MIA2: variants seen among roughly 807,000 people sequenced by gnomAD.
MIA2 encodes melanoma inhibitory activity protein 2.
A neutral mutation model predicts 167.8 loss-of-function variants in MIA2; 127 were observed. The ratio of observed to expected loss-of-function variants is 0.76; its 90% CI spans 0.66 to 0.88. The LOEUF is 0.88. Ranked by LOEUF, MIA2 falls within the 40% of genes least tolerant of loss-of-function variation. The probability of loss-of-function intolerance (pLI) is 0.00; values close to 1 mark genes in which losing one functional copy is unlikely to be tolerated. For synonymous variants in MIA2, 552 were observed against 541.9 expected (o/e 1.02, Z -0.26); for missense variants, 1,690 against 1,624.7 (o/e 1.04, Z -0.69).
rs970042518 is a variant in MIA2 at position 39,338,352 on chromosome 14, A to G, written c.3656-7552A>G. 2.0e-5 allele frequency among the ~76,000 whole-genome samples: 3 copies of G among 152,180 alleles called. No individual in the cohort carries two copies. In the East Asian group the frequency reaches 5.8e-4, roughly 29 times the overall value. On this transcript the variant is annotated intron_variant, in intron 25 of 28. Transcript: ENST00000640607. ...TATTTTTGCATCTTTCTGTGAATCT[A>G]TTTTAAAATAAAAAAGTAAAAATCT... is the stretch of plus-strand genomic sequence containing the variant.
At chr14:39,298,413 T>TTTTA (rs1397878336) in intron 13 of MIA2, among the ~76,000 whole-genome samples, 29 of 26,140 alleles carry the variant, frequency 1.1e-3, no homozygotes, top group African/African-American at 3.6e-3. Flanking sequence ...TGATTCTGTT[T>TTTTA]TATATATATA....
Position 39,326,956 on chromosome 14 carries a change from C to T in MIA2, c.3589C>T (p.Pro1197Ser). Residue 1197 changes from proline to serine, a missense_variant, in exon 25 of 29, where the codon CCC becomes TCC. Physicochemically the swap from Pro to Ser is moderately conservative, Grantham distance 74 (BLOSUM62 -1). Transcript: ENST00000640607. Reference protein sequence around the residue: ...CDRLTDPHRAPSDTGSLSPPW... With the variant: ...CDRLTDPHRASSDTGSLSPPW... ...TAGGTTAACCGATCCTCATAGGGCT[C>T]CCTCTGACACTGGGTCTCTGTCACC... 6.3e-7 allele frequency: 1 copy of T among 1,586,070 alleles called. No homozygotes were observed. Among genetic ancestry groups the T allele is most frequent in the Non-Finnish European group, 8.6e-7 (1 of 1,168,252 alleles).
At chr14:39,319,335 CAT>C (rs372147405) in intron 23 of MIA2, 44 bp downstream of exon 23, 2,945 of 811,988 alleles carry the variant, frequency 3.6e-3, no homozygotes, top group South Asian at 5.3e-3. Context: ...ACATATTTTA[CAT>C]ATATATATAT....
chr14:39,335,434 C>A (rs2070139763), intron 25 of MIA2, among the ~76,000 whole-genome samples: 1 of 152,048 alleles, frequency 6.6e-6, no homozygotes, highest in African/African-American at 2.4e-5. Context: ...GATGAGTTAG[C>A]AGAAATGATT....
chr14:39,247,079 T>C lies in MIA2; in HGVS notation c.505T>C (p.Tyr169His). 1 of 1,607,448 alleles carries C rather than the reference T, an allele frequency of 6.2e-7. No homozygotes were observed. The highest frequency in any genetic ancestry group is 1.7e-4 in the Middle Eastern group (1 of 6,004). ...FQIEPGFYAT[Y>H]ESTLFEDQVP... Reference sequence around the variant, plus strand: ...GATAGAACCTGGATTTTATGCAACTTATGAAAGTACTTTGTTTGAAGACCA... The same window carrying C: ...GATAGAACCTGGATTTTATGCAACTCATGAAAGTACTTTGTTTGAAGACCA... Residue 169 changes from tyrosine to histidine, a missense_variant, in exon 4 of 29, where the codon TAT becomes CAT. Tyr to His is a moderately conservative substitution (Grantham distance 83). Coordinates refer to ENST00000640607, the MANE Select transcript of MIA2 (RefSeq NM_001329214.4).
intron 2 of MIA2, among the ~76,000 whole-genome samples, chr14:39,238,811 A>AAAAAAAAAAACAAAAAC: frequency 2.9e-5 from 3 of 103,636 alleles, no homozygotes; most frequent in African/African-American, 1.2e-4. Context: ...AAAAAAAAAA[A>AAAAAAAAAAACAAAAAC]CCCAAAAAAC....
rs539789900 is a variant in MIA2 at position 39,279,383 on chromosome 14, T to A, written c.2041+25T>A. 8.4e-5 allele frequency: 134 copies of A among 1,601,486 alleles called. 1 individual carries two copies. The South Asian group carries it at 1.4e-3, about 17-fold the overall frequency. ...GGTAAGTTCTTTTTTCTGCTTTGACTCTCATTGTTGTGTTGTAAAAACTTA... is the reference window on the plus strand; with the variant it reads ...GGTAAGTTCTTTTTTCTGCTTTGACACTCATTGTTGTGTTGTAAAAACTTA... On this transcript the variant is annotated intron_variant, in intron 8 of 28. Coordinates refer to ENST00000640607, the MANE Select transcript of MIA2 (RefSeq NM_001329214.4).
intron 6 of MIA2, among the ~76,000 whole-genome samples, chr14:39,264,278 T>C (rs1441529086): frequency 6.6e-6 from 1 of 152,198 alleles, no homozygotes; most frequent in Non-Finnish European, 1.5e-5. Context: ...AGAATGTGAC[T>C]TCATTTTTTA....
intron 23 of MIA2, among the ~76,000 whole-genome samples, chr14:39,357,745 C>T (rs1476171045): frequency 6.6e-6 from 1 of 152,254 alleles, no homozygotes; most frequent in African/African-American, 2.4e-5. Context: ...TAGGGCAGGC[C>T]TGGTGGTGAC....
At chr14:39,304,905 G>C (rs374605209) in intron 17 of MIA2, among the ~76,000 whole-genome samples, 178 of 152,212 alleles carry the variant, frequency 1.2e-3, no homozygotes, top group African/African-American at 4.1e-3. Flanking sequence ...AAGTAAACAA[G>C]TTCTGTCAAT....
chr14:39,382,953 GTTTTTTTTT>G (rs10689511), intron 23 of MIA2, among the ~76,000 whole-genome samples: 11 of 75,054 alleles, frequency 1.5e-4, no homozygotes, highest in Non-Finnish European at 2.8e-4. Context: ...TATGGCCACA[GTTTTTTTTT>G]TTTTTTTTTT....
chr14:39,329,425 C>T (rs867789429), intron 25 of MIA2, among the ~76,000 whole-genome samples: 2 of 152,208 alleles, frequency 1.3e-5, no homozygotes, highest in Non-Finnish European at 2.9e-5. Context: ...TTGACTTCCT[C>T]TCTTCCTATA....
intron 13 of MIA2, among the ~76,000 whole-genome samples, chr14:39,296,373 C>G (rs1007675995): frequency 5.9e-5 from 9 of 151,814 alleles, no homozygotes; most frequent in South Asian, 4.2e-4. Flanking sequence ...TCTTGACTTT[C>G]CAATATTGCT....
intron 23 of MIA2, among the ~76,000 whole-genome samples, chr14:39,357,208 A>G (rs2074552334): frequency 2.0e-5 from 3 of 152,152 alleles, no homozygotes; most frequent in Admixed American, 6.5e-5. Context: ...TAGGTCTCTA[A>G]GGACTTGCTT....
intron 23 of MIA2, chr14:39,385,751 T>C: frequency 1.1e-6 from 1 of 881,902 alleles, no homozygotes; most frequent in Admixed American, 1.7e-5. Context: ...TTCTGGATAA[T>C]AGTAGATGAA....
chr14:39,381,866 C>G (rs202112956), intron 23 of MIA2, among the ~76,000 whole-genome samples: 961 of 75,526 alleles, frequency 0.013, 4 homozygotes, highest in Non-Finnish European at 0.02. Context: ...AACAATTAAA[C>G]AACACAAATG....
chr14:39,285,778 G>A (rs368894977), intron 9 of MIA2, among the ~76,000 whole-genome samples: 1,529 of 150,736 alleles, frequency 0.01, 28 homozygotes, highest in African/African-American at 0.033. Context: ...GGCGGCTGCC[G>A]GGCGGAGGGG....
At chr14:39,276,226 C>T (rs1043925667) in intron 6 of MIA2, 2 of 152,200 alleles carry the variant, frequency 1.3e-5, no homozygotes, top group African/African-American at 4.8e-5. Context: ...GAAGCAACAG[C>T]AAAAGCCTTA....
chr14:39,382,218 A>G (rs534250401), intron 23 of MIA2, among the ~76,000 whole-genome samples: 2 of 152,326 alleles, frequency 1.3e-5, no homozygotes, highest in South Asian at 2.1e-4. Flanking sequence ...ATCTCAATCA[A>G]ATTTTGGGAG....
Sources: gnomAD v4.1 joint callset for allele counts (sites outside exome capture counted in the v4.1 genomes callset) on GRCh38, gnomAD v4.1.1 for gene constraint, MANE v1.5 for transcripts, NCBI Gene and HGNC (gene_info 2026-07-23, HGNC 2026-07-21) for gene names.